Variants in SWT1 observed in about 807,000 individuals in gnomAD.
SWT1 encodes the protein transcriptional protein SWT1.
A neutral mutation model predicts 107.3 loss-of-function variants in SWT1; 33 were observed. The observed-to-expected ratio is 0.31, with a 90% CI of 0.23 to 0.41. SWT1 has a LOEUF of 0.41. Among genes scored for constraint, SWT1 ranks in the 10% least tolerant of loss-of-function variants. The probability of loss-of-function intolerance (pLI) is 1.00; values close to 1 mark genes in which losing one functional copy is unlikely to be tolerated. For missense variants in SWT1, 898 were observed against 1,028.9 expected (o/e 0.87, Z 1.74); for synonymous variants, 345 against 348.3 (o/e 0.99, Z 0.11).
At chr1:185,242,521 C>T (rs771640340) in intron 16 of SWT1, among the ~76,000 whole-genome samples, 8 of 152,054 alleles carry the variant, frequency 5.3e-5, no homozygotes, top group Non-Finnish European at 1.0e-4. Context: ...CTTATATCAG[C>T]GGAGAAATGC....
Position 185,222,009 on chromosome 1 carries a change from G to C in SWT1, c.2282G>C (p.Ser761Thr), listed in dbSNP as rs367661175. Residue 761 changes from serine (S) to threonine (T), a missense_variant, in exon 15 of 19, where the codon AGT becomes ACT. Ser to Thr is a moderately conservative substitution (Grantham distance 58). Coordinates refer to ENST00000367500, the MANE Select transcript of SWT1 (RefSeq NM_017673.7). ...RHQEIWSILESVWITIYQNST... is the reference protein window; with the variant it reads ...RHQEIWSILETVWITIYQNST... ...CAAGAAATCTGGTCTATCCTAGAGA[G>C]TGTTTGGATTACAATATATCAGAAC... 8.9e-6 allele frequency: 14 copies of C among 1,581,296 alleles called. No homozygotes were observed. Among genetic ancestry groups the C allele is most frequent in the Non-Finnish European group, 1.2e-5 (14 of 1,168,520 alleles).
At chr1:185,187,376 A>G (rs1656582283) in intron 9 of SWT1, among the ~76,000 whole-genome samples, 1 of 152,090 alleles carries the variant, frequency 6.6e-6, no homozygotes, top group African/African-American at 2.4e-5. Context: ...ATTTTTTATA[A>G]TAAGGTAAAA....
At chr1:185,162,633 A>G (rs745898767) in intron 2 of SWT1, among the ~76,000 whole-genome samples, 8 of 152,266 alleles carry the variant, frequency 5.3e-5, no homozygotes, top group East Asian at 3.9e-4. Flanking sequence ...AGCAAATTCT[A>G]TCAGCTTTCT....
intron 15 of SWT1, among the ~76,000 whole-genome samples, chr1:185,228,165 ATG>A (rs71555463): frequency 0.31 from 42,983 of 139,138 alleles, 6,915 homozygotes; most frequent in African/African-American, 0.38. Context: ...TTAAAAAAAA[ATG>A]TGTATATATA....
intron 16 of SWT1, among the ~76,000 whole-genome samples, chr1:185,265,961 T>A (rs1663341308): frequency 6.6e-6 from 1 of 152,226 alleles, no homozygotes; most frequent in Non-Finnish European, 1.5e-5. Context: ...TAAAACATTG[T>A]CTTGCCAGAA....
At chr1:185,268,824 G>A (rs1663591386) in intron 16 of SWT1, among the ~76,000 whole-genome samples, 1 of 151,374 alleles carries the variant, frequency 6.6e-6, no homozygotes, top group Non-Finnish European at 1.5e-5. Context: ...TATTCCACAT[G>A]GCTGATAGTT....
At position 185,157,179 on chromosome 1, in the gene SWT1, C is replaced by G. The variant is rs965380118; in HGVS notation, c.-145C>G. 6.2e-6 allele frequency: 1 copy of G among 160,770 alleles called. No homozygotes were observed. Among genetic ancestry groups the G allele is most frequent in the Admixed American group, 6.2e-5 (1 of 16,232 alleles). 10.0% of individuals were successfully genotyped at this position (160,770 alleles called of 1,614,324 possible). A position where few individuals can be genotyped will look rare whatever the true frequency, so the allele number is the denominator to read the frequency against. ...GCTGTGGGGCGGTGAGTAGGTAGTG[C>G]GGATGCGGGCGCAGAACTACGTTTC... On this transcript the variant is annotated 5_prime_UTR_variant, in exon 1 of 19. Transcript: ENST00000367500.
chr1:185,168,322 T>TAGATGATAGAC lies in SWT1; in HGVS notation c.166-18_166-17insAGATGATAGAC. On this transcript the variant is annotated splice_polypyrimidine_tract_variant and intron_variant, in intron 3 of 18. Coordinates refer to ENST00000367500, the MANE Select transcript of SWT1 (RefSeq NM_017673.7). ...GTACCAGTGCACAATTTATGTGTCCTTTTTTTATTTATTTCAGAAATCAGA... is the reference window on the plus strand; with the variant it reads ...GTACCAGTGCACAATTTATGTGTCCTAGATGATAGACTTTTTTATTTATTTCAGAAATCAGA... 1 of 1,308,684 alleles carries TAGATGATAGAC rather than the reference T, an allele frequency of 7.6e-7. No homozygotes were observed. Among genetic ancestry groups the TAGATGATAGAC allele is most frequent in the Non-Finnish European group, 1.0e-6 (1 of 977,710 alleles). 81.1% of individuals were successfully genotyped at this position (1,308,684 alleles called of 1,614,324 possible).
At chr1:185,227,345 G>C in intron 15 of SWT1, 1 of 729,792 alleles carries the variant, frequency 1.4e-6, no homozygotes, top group Non-Finnish European at 2.5e-6. Context: ...GGCTTTCATA[G>C]ATCTTGTCCA....
chr1:185,229,414 T>C (rs546763226), intron 15 of SWT1, among the ~76,000 whole-genome samples: 34 of 152,122 alleles, frequency 2.2e-4, no homozygotes, highest in Non-Finnish European at 1.3e-4. Context: ...CACGCTCATT[T>C]CTCCCACATT....
chr1:185,284,805 G>T (rs1269858840), intron 18 of SWT1, among the ~76,000 whole-genome samples: 1 of 152,162 alleles, frequency 6.6e-6, no homozygotes, highest in African/African-American at 2.4e-5. Context: ...TTTAGCTCAA[G>T]GGGGAGTGAT....
chr1:185,284,484 A>T (rs549243517), intron 18 of SWT1, among the ~76,000 whole-genome samples: 1 of 152,360 alleles, frequency 6.6e-6, no homozygotes, highest in Admixed American at 6.5e-5. Flanking sequence ...GGCACAAAAT[A>T]TAATTTAAAG....
Position 185,190,561 on chromosome 1 carries a change from A to G in SWT1, c.1442A>G (p.Asp481Gly). ...LASQKHYGLS[D>G]ENNDDRVLKC... The stretch of plus-strand genomic sequence containing the variant: ...ACTAAATTTGCAGATGGATTGAGTG[A>G]TGAGAACAATGATGATCGAGTACTA... Residue 481 changes from aspartate (D) to glycine (G), a missense_variant, in exon 10 of 19, where the codon GAT becomes GGT. Transcript: ENST00000367500. The G allele has an allele frequency of 6.2e-7, 1 of 1,604,896 alleles. No individual in the cohort carries two copies. Among genetic ancestry groups the G allele is most frequent in the African/African-American group, 1.3e-5 (1 of 74,830 alleles).
chr1:185,238,482 CT>C (rs1318737180), intron 16 of SWT1, among the ~76,000 whole-genome samples: 7 of 152,124 alleles, frequency 4.6e-5, no homozygotes, highest in Admixed American at 1.3e-4. Flanking sequence ...CCCAGACTAA[CT>C]TAAATAAAAA....
intron 10 of SWT1, among the ~76,000 whole-genome samples, chr1:185,192,018 A>G (rs1656995914): frequency 6.6e-6 from 1 of 152,162 alleles, no homozygotes; most frequent in East Asian, 1.9e-4. Context: ...TGTATTGTAT[A>G]AGTCATACCT....
At chr1:185,200,944 C>G (rs578142427) in intron 10 of SWT1, among the ~76,000 whole-genome samples, 1 of 152,290 alleles carries the variant, frequency 6.6e-6, no homozygotes, top group South Asian at 2.1e-4. Context: ...CAGAGGTGCC[C>G]TGCCCAGAGA....
At chr1:185,273,211 G>T (rs1459670405) in intron 17 of SWT1, among the ~76,000 whole-genome samples, 1 of 151,966 alleles carries the variant, frequency 6.6e-6, no homozygotes, top group Non-Finnish European at 1.5e-5. Flanking sequence ...TTGAGAACAG[G>T]CTGGCCAACA....
chr1:185,236,700 A>C lies in SWT1; in HGVS notation c.2441+4992A>C, dbSNP rs541836815. On this transcript the variant is annotated intron_variant, in intron 16 of 18. Coordinates refer to ENST00000367500, the MANE Select transcript of SWT1 (RefSeq NM_017673.7). ...TAAAACACCCAAAGCAATGGCAACA[A>C]AAGCCAAAATAGACCAATGGGTTCT... is the stretch of plus-strand genomic sequence containing the variant. Among the ~76,000 whole-genome samples the C allele has an allele frequency of 2.0e-4, 31 of 152,340 alleles. 1 individual carries two copies. In the South Asian group the frequency reaches 6.4e-3, roughly 32 times the overall value.
At position 185,181,976 on chromosome 1, in the gene SWT1, C is replaced by A; in HGVS notation, c.1057C>A (p.Arg353Ser). The change falls in exon 7 of 19, where the codon CGT becomes AGT. Residue 353 changes from arginine to serine, a missense_variant. Arg to Ser is a moderately radical substitution (Grantham distance 110). This residue lies in a region of SWT1 where 94 missense variants were observed against 114.5 expected (regional missense o/e 0.82). Coordinates refer to ENST00000367500, the MANE Select transcript of SWT1 (RefSeq NM_017673.7). ...MQIVEELHAA[R>S]VGKSVDLPGE... ...GATAGTAGAAGAGCTTCATGCTGCACGTGTGGGAAAAAGTGTGGATTTACC... is the reference window on the plus strand; with the variant it reads ...GATAGTAGAAGAGCTTCATGCTGCAAGTGTGGGAAAAAGTGTGGATTTACC... The A allele has an allele frequency of 2.5e-6, 4 of 1,613,762 alleles. No homozygotes were observed. The highest frequency in any genetic ancestry group is 2.5e-6 in the Non-Finnish European group (3 of 1,179,876).
Sources: gnomAD v4.1 joint callset for allele counts (sites outside exome capture counted in the v4.1 genomes callset) on GRCh38, gnomAD v4.1.1 for gene constraint, gnomAD v4.1.1 regional missense constraint, MANE v1.5 for transcripts, NCBI Gene and HGNC (gene_info 2026-07-23, HGNC 2026-07-21) for gene names.